Variants in MAGI2 observed in about 807,000 individuals in gnomAD.
MAGI2 encodes the protein membrane-associated guanylate kinase, WW and PDZ domain-containing protein 2.
Under a neutral mutation model 133.3 loss-of-function variants are expected in MAGI2, and 35 were observed. The observed-to-expected ratio is 0.26, with a 90% CI of 0.20 to 0.35. MAGI2 has a LOEUF of 0.35. Ranked by LOEUF, MAGI2 falls within the 10% of genes least tolerant of loss-of-function variation. MAGI2 has a pLI of 1.00. For synonymous variants in MAGI2, 729 were observed against 710.6 expected, an observed-to-expected ratio of 1.03 and a Z score of -0.41; for missense variants, 1,636 against 1,863.4, an observed-to-expected ratio of 0.88 and a Z score of 2.25.
At chr7:78,689,614 G>A (rs536954626) in intron 2 of MAGI2, among the ~76,000 whole-genome samples, 1 of 147,742 alleles carries the variant, frequency 6.8e-6, no homozygotes, top group African/African-American at 2.5e-5. Context: ...TGTCACTATA[G>A]ATTAGTTTTG....
At chr7:78,855,180 C>G (rs1441306303) in intron 2 of MAGI2, among the ~76,000 whole-genome samples, 1 of 152,156 alleles carries the variant, frequency 6.6e-6, no homozygotes, top group Non-Finnish European at 1.5e-5. Flanking sequence ...CTGCGGCCTC[C>G]TGGGCTCAAG....
chr7:79,218,485 C>T (rs187848981), intron 1 of MAGI2, among the ~76,000 whole-genome samples: 18 of 152,122 alleles, frequency 1.2e-4, no homozygotes, highest in African/African-American at 4.1e-4. Flanking sequence ...AAAACAATAA[C>T]ACAAATATCG....
At chr7:78,113,760 GATGCATGCCTGTATTTTAATAA>G (rs1819589018) in intron 20 of MAGI2, among the ~76,000 whole-genome samples, 1 of 152,172 alleles carries the variant, frequency 6.6e-6, no homozygotes, top group African/African-American at 2.4e-5. Flanking sequence ...GTCATCAAGA[GATGCATGCCTGTATTTTAATAA>G]ATAACAGTAC....
intron 2 of MAGI2, among the ~76,000 whole-genome samples, chr7:78,739,586 A>T (rs1822196838): frequency 6.6e-6 from 1 of 152,176 alleles, no homozygotes; most frequent in African/African-American, 2.4e-5. Context: ...TACCTCTAAC[A>T]AAAATAGTAT....
Position 78,227,935 on chromosome 7 carries a change from T to G in MAGI2, c.2048-26742A>C, listed in dbSNP as rs115216247. 5.6e-3 allele frequency among the ~76,000 whole-genome samples: 853 copies of G among 151,916 alleles called. 6 individuals carry two copies. The highest frequency in any genetic ancestry group is 0.02 in the African/African-American group (817 of 41,466). The stretch of plus-strand genomic sequence containing the variant: ...TATTGTGAATGCCTAGACAACAGAC[T>G]GGCAAAATTTTTCTGTAAAGAGCCA... On this transcript the variant is annotated intron_variant, in intron 10 of 21. Transcript: ENST00000354212.
chr7:78,134,919 G>T, intron 17 of MAGI2, 102 bp downstream of exon 17: 2 of 957,024 alleles, frequency 2.1e-6, no homozygotes, highest in African/African-American at 1.6e-5. Context: ...CACAGTGACG[G>T]CAGGCAGGTG....
At chr7:78,918,783 C>T (rs1426318128) in intron 2 of MAGI2, among the ~76,000 whole-genome samples, 4 of 151,964 alleles carry the variant, frequency 2.6e-5, no homozygotes, top group African/African-American at 7.3e-5. Flanking sequence ...GTCATATAAC[C>T]TCATTCATTA....
At chr7:78,462,402 T>C (rs1431371902) in intron 6 of MAGI2, among the ~76,000 whole-genome samples, 1 of 152,192 alleles carries the variant, frequency 6.6e-6, no homozygotes, top group African/African-American at 2.4e-5. Context: ...TGAAATAAAC[T>C]TCACATTCTC....
intron 2 of MAGI2, among the ~76,000 whole-genome samples, chr7:78,631,025 A>T (rs1281933683): frequency 6.6e-6 from 1 of 152,014 alleles, no homozygotes; most frequent in East Asian, 1.9e-4. Flanking sequence ...CTCCATCCTC[A>T]TGGTGGCTGA....
intron 1 of MAGI2, among the ~76,000 whole-genome samples, chr7:79,044,634 T>G (rs1812001727): frequency 1.3e-5 from 2 of 152,174 alleles, no homozygotes; most frequent in African/African-American, 4.8e-5. Context: ...AGTCAAACTA[T>G]CTATTTTGGC....
rs77205774 is a variant in MAGI2 at position 78,124,278 on chromosome 7, C to T, written c.3567+1416G>A. ...TAGGGAAGCTGTAGAGCCAGGAAAC[C>T]ATGTGGAGGCCCATCTTCAAATCAG... On this transcript the variant is annotated intron_variant, in intron 20 of 21. Coordinates refer to ENST00000354212, the MANE Select transcript of MAGI2 (RefSeq NM_012301.4). Among the ~76,000 whole-genome samples, 179 of 152,280 alleles carry T rather than the reference C, an allele frequency of 1.2e-3. 2 individuals carry two copies. In the East Asian group the frequency reaches 0.021, roughly 18 times the overall value.
chr7:79,344,893 C>T (rs778863223), intron 1 of MAGI2, among the ~76,000 whole-genome samples: 7 of 152,084 alleles, frequency 4.6e-5, no homozygotes, highest in South Asian at 2.1e-4. Context: ...CCAATAGTAG[C>T]GCTTGGGTAC....
At chr7:78,363,134 C>T (rs1325639211) in intron 7 of MAGI2, among the ~76,000 whole-genome samples, 2 of 152,078 alleles carry the variant, frequency 1.3e-5, no homozygotes, top group East Asian at 1.9e-4. Flanking sequence ...ACAATATAAC[C>T]TCCTTATGAA....
intron 10 of MAGI2, among the ~76,000 whole-genome samples, chr7:78,225,025 A>G (rs183459311): frequency 1.4e-4 from 21 of 152,210 alleles, no homozygotes; most frequent in Admixed American, 2.6e-4. Context: ...CTGCTGGCCC[A>G]GTCCCTGCAG....
At chr7:78,071,408 A>C (rs563958825) in intron 21 of MAGI2, among the ~76,000 whole-genome samples, 1 of 152,148 alleles carries the variant, frequency 6.6e-6, no homozygotes, top group African/African-American at 2.4e-5. Context: ...ATGGTGGTGC[A>C]TACCTGTAGT....
At chr7:79,443,873 T>G (rs1848659914) in intron 1 of MAGI2, among the ~76,000 whole-genome samples, 1 of 152,240 alleles carries the variant, frequency 6.6e-6, no homozygotes, top group Non-Finnish European at 1.5e-5. Flanking sequence ...TTTTGTTTCT[T>G]TCTGCTTCAT....
At chr7:78,747,499 A>G (rs781747842) in intron 2 of MAGI2, among the ~76,000 whole-genome samples, 1 of 152,134 alleles carries the variant, frequency 6.6e-6, no homozygotes, top group Non-Finnish European at 1.5e-5. Context: ...GAGGTTACCA[A>G]TTGCAAGCAT....
chr7:78,461,743 C>A (rs990180560), intron 6 of MAGI2, among the ~76,000 whole-genome samples: 1 of 151,304 alleles, frequency 6.6e-6, no homozygotes, highest in Admixed American at 6.6e-5. Flanking sequence ...GAAACCCCGT[C>A]TCTACTAAAA....
intron 1 of MAGI2, among the ~76,000 whole-genome samples, chr7:79,297,585 C>G (rs2129559411): frequency 6.6e-6 from 1 of 152,216 alleles, no homozygotes; most frequent in East Asian, 1.9e-4. Flanking sequence ...TTGATGGGAA[C>G]AGAATCACGA....
Sources: gnomAD v4.1 joint callset for allele counts (sites outside exome capture counted in the v4.1 genomes callset) on GRCh38, gnomAD v4.1.1 for gene constraint, MANE v1.5 for transcripts, NCBI Gene and HGNC (gene_info 2026-07-23, HGNC 2026-07-21) for gene names.